KPNB1: variants seen among roughly 807,000 people sequenced by gnomAD.
The protein encoded by KPNB1 is importin subunit beta-1.
Under a neutral mutation model 113.0 loss-of-function variants are expected in KPNB1, and 7 were observed. The observed-to-expected ratio is 0.06, with a 90% CI of 0.04 to 0.12. The LOEUF is 0.12. Among genes scored for constraint, KPNB1 ranks in the 10% least tolerant of loss-of-function variants. The pLI is 1.00. For missense variants in KPNB1, 400 were observed against 1,054.8 expected, an observed-to-expected ratio of 0.38 and a Z score of 8.60; for synonymous variants, 363 against 378.6, an observed-to-expected ratio of 0.96 and a Z score of 0.48.
chr17:47,652,568 C>CA (rs112388474), intron 2 of KPNB1, 126 bp from the exon 3 acceptor site: 451 of 591,740 alleles, frequency 7.6e-4, no homozygotes, highest in South Asian at 1.1e-3. Context: ...ATGCTTATAT[C>CA]AAAAAAAAAT....
chr17:47,665,204 T>C, intron 9 of KPNB1, 46 bp downstream of exon 9: 7 of 1,455,832 alleles, frequency 4.8e-6, no homozygotes, highest in Non-Finnish European at 6.8e-6. Context: ...GGAACCTTAC[T>C]AAGAGTAAAC....
chr17:47,653,756 G>T (rs1241637148), intron 3 of KPNB1, among the ~76,000 whole-genome samples: 3 of 152,134 alleles, frequency 2.0e-5, no homozygotes, highest in Non-Finnish European at 4.4e-5. Context: ...GTAAAGTAGT[G>T]CCCTGTAAGG....
intron 15 of KPNB1, among the ~76,000 whole-genome samples, chr17:47,675,398 TTGAGACTTGTTC>T (rs2030587042): frequency 7.0e-6 from 1 of 142,062 alleles, no homozygotes. Context: ...TGTTTTTTTT[TTGAGACTTGTTC>T]TGTTGCCCAG....
chr17:47,661,243 A>T (rs759466607), intron 6 of KPNB1, 65 bp downstream of exon 6: 8 of 1,190,686 alleles, frequency 6.7e-6, no homozygotes, highest in Admixed American at 3.4e-5. Context: ...AATCTAATAT[A>T]AGTTTGAAAT....
intron 12 of KPNB1, among the ~76,000 whole-genome samples, chr17:47,671,366 G>A (rs948052165): frequency 7.9e-5 from 12 of 152,172 alleles, no homozygotes; most frequent in Admixed American, 7.9e-4. Context: ...TCTGAATATA[G>A]TGTAATTTCT....
At position 47,683,572 on chromosome 17, in the gene KPNB1, A is replaced by G. The variant is rs937559072; in HGVS notation, c.*1168A>G. 1 of 137,414 alleles carries G rather than the reference A, an allele frequency of 7.3e-6. No individual in the cohort carries two copies. The highest frequency in any genetic ancestry group is 2.7e-5 in the African/African-American group (1 of 37,054). 8.5% of individuals were successfully genotyped at this position (137,414 alleles called of 1,614,324 possible). A position where few individuals can be genotyped will look rare whatever the true frequency, so the allele number is the denominator to read the frequency against. On this transcript the variant is annotated 3_prime_UTR_variant, in exon 22 of 22. Coordinates refer to ENST00000290158, the MANE Select transcript of KPNB1 (RefSeq NM_002265.6). ...ACAAAACAGCAAACTTCAGGTAACT[A>G]TTTTGGATTGCAAACAGGATAAATT... is the stretch of plus-strand genomic sequence containing the variant.
At chr17:47,653,677 A>G (rs1278456201) in intron 3 of KPNB1, among the ~76,000 whole-genome samples, 2 of 152,188 alleles carry the variant, frequency 1.3e-5, no homozygotes, top group Non-Finnish European at 2.9e-5. Flanking sequence ...ATTCCTACAT[A>G]TGTACTTGTG....
At position 47,659,439 on chromosome 17, in the gene KPNB1, A is replaced by G. The variant is rs779546996; in HGVS notation, c.636+779A>G. The stretch of plus-strand genomic sequence containing the variant: ...TTTGGTTTCTTTTAAGATTGTGTGA[A>G]TCTTTTGCCTTGTACTAAAGATTTT... On this transcript the variant is annotated intron_variant, in intron 5 of 21. Coordinates refer to ENST00000290158, the MANE Select transcript of KPNB1 (RefSeq NM_002265.6). Among the ~76,000 whole-genome samples, 3 of 152,274 alleles carry G rather than the reference A, an allele frequency of 2.0e-5. No homozygotes were observed. The East Asian group carries it at 5.8e-4, about 29-fold the overall frequency.
intron 9 of KPNB1, among the ~76,000 whole-genome samples, 154 bp downstream of exon 9, chr17:47,665,312 C>G (rs1382843573): frequency 6.6e-6 from 1 of 152,144 alleles, no homozygotes; most frequent in Non-Finnish European, 1.5e-5. Context: ...CTATAAGATC[C>G]CCTAGGCTCT....
At chr17:47,666,540 T>TAC (rs2030287324) in intron 9 of KPNB1, among the ~76,000 whole-genome samples, 1 of 109,852 alleles carries the variant, frequency 9.1e-6, no homozygotes, top group Admixed American at 1.1e-4. Flanking sequence ...TGTTATATAT[T>TAC]ATATATTATA....
intron 19 of KPNB1, 22 bp from the exon 20 acceptor site, chr17:47,679,998 A>G: frequency 5.1e-6 from 8 of 1,558,636 alleles, no homozygotes; most frequent in Non-Finnish European, 7.1e-6. Flanking sequence ...CACCCGACCA[A>G]TACCTTCTCT....
At chr17:47,658,692 G>A in intron 5 of KPNB1, 32 bp downstream of exon 5, 2 of 1,576,524 alleles carry the variant, frequency 1.3e-6, no homozygotes, top group African/African-American at 1.4e-5. Context: ...TATAGATTCA[G>A]ACAGTAAGGG....
chr17:47,675,361 G>GTTTTTGTT lies in KPNB1; in HGVS notation c.1912+584_1912+585insGTTTTTTT, dbSNP rs2030568124. On this transcript the variant is annotated intron_variant, in intron 15 of 21. Coordinates refer to ENST00000290158, the MANE Select transcript of KPNB1 (RefSeq NM_002265.6). Reference sequence around the variant, plus strand: ...TGCAACGGAGATTGGCAGAGGTGTTGTTTTTTTTTTGTTTTTTTTTTTTGT... The same window carrying GTTTTTGTT: ...TGCAACGGAGATTGGCAGAGGTGTTGTTTTTGTTTTTTTTTTTTGTTTTTTTTTTTTGT... Among the ~76,000 whole-genome samples, 59 of 88,682 alleles carry GTTTTTGTT rather than the reference G, an allele frequency of 6.7e-4. 2 individuals carry two copies. Among genetic ancestry groups the GTTTTTGTT allele is most frequent in the East Asian group, 2.9e-3 (10 of 3,440 alleles). 58.2% of individuals were successfully genotyped at this position (88,682 alleles called of 152,430 possible). A position where few individuals can be genotyped will look rare whatever the true frequency, so the allele number is the denominator to read the frequency against.
chr17:47,668,895 G>A (rs1305701337), intron 10 of KPNB1, among the ~76,000 whole-genome samples: 1 of 151,436 alleles, frequency 6.6e-6, no homozygotes, highest in African/African-American at 2.4e-5. Flanking sequence ...TTATGGAAAT[G>A]TTGTGCTTGT....
chr17:47,659,998 C>G (rs2030043670), intron 5 of KPNB1, among the ~76,000 whole-genome samples: 2 of 152,048 alleles, frequency 1.3e-5, no homozygotes, highest in African/African-American at 4.8e-5. Flanking sequence ...AATTTACCAT[C>G]TTAAATCATT....
chr17:47,663,974 GACCCCA>G (rs952699642), intron 7 of KPNB1, among the ~76,000 whole-genome samples, 179 bp from the exon 8 acceptor site: 3 of 147,774 alleles, frequency 2.0e-5, no homozygotes, highest in Non-Finnish European at 4.5e-5. Context: ...GACAGAGTGA[GACCCCA>G]TCACCAAAAA....
At chr17:47,677,877 G>C (rs984156572) in intron 17 of KPNB1, among the ~76,000 whole-genome samples, 169 bp from the exon 18 acceptor site, 6 of 152,192 alleles carry the variant, frequency 3.9e-5, no homozygotes, top group African/African-American at 1.2e-4. Context: ...CAATACCTGG[G>C]CTAGCTTCTT....
intron 10 of KPNB1, among the ~76,000 whole-genome samples, chr17:47,668,668 C>A (rs891879059): frequency 6.6e-6 from 1 of 152,132 alleles, no homozygotes; most frequent in African/African-American, 2.4e-5. Flanking sequence ...ACTCTTAACT[C>A]TGTATTTATC....
intron 15 of KPNB1, among the ~76,000 whole-genome samples, chr17:47,675,372 G>GTTTTTTTTTTTTTTTT (rs755565036): frequency 1.2e-4 from 10 of 86,092 alleles, no homozygotes; most frequent in African/African-American, 2.1e-4. Flanking sequence ...TTTTTTTTTT[G>GTTTTTTTTTTTTTTTT]TTTTTTTTTT....
Sources: allele counts gnomAD v4.1 joint callset (sites outside exome capture counted in the v4.1 genomes callset), GRCh38; gene constraint gnomAD v4.1.1; transcripts MANE v1.5; gene names NCBI Gene and HGNC (gene_info 2026-07-23, HGNC 2026-07-21).